GAN: variants seen among roughly 807,000 people sequenced by gnomAD.
GAN encodes epididymis secretory sperm binding protein.
GAN carries 48 observed loss-of-function variants against 71.3 expected under a neutral mutation model. The observed-to-expected ratio is 0.67, with a 90% CI of 0.53 to 0.86. The LOEUF is 0.86. GAN is among the 40% of genes least tolerant of loss of function. The probability of loss-of-function intolerance (pLI) is 0.00; values close to 1 mark genes in which losing one functional copy is unlikely to be tolerated. For synonymous variants in GAN, 386 were observed against 276.8 expected (o/e 1.39, Z -3.92); for missense variants, 928 against 770.1 (o/e 1.21, Z -2.43).
intron 2 of GAN, among the ~76,000 whole-genome samples, 161 bp from the exon 3 acceptor site, chr16:81,354,241 GAAA>G (rs5818329): frequency 6.9e-6 from 1 of 144,840 alleles, no homozygotes. Flanking sequence ...CCAACTCTTG[GAAA>G]AAAAAAAAAA....
In GAN at chr16:81,377,326, C is replaced by T; in HGVS notation, c.1610C>T (p.Thr537Ile). 1 of 1,583,370 alleles carries T rather than the reference C, an allele frequency of 6.3e-7. No individual in the cohort carries two copies. The highest frequency in any genetic ancestry group is 8.7e-7 in the Non-Finnish European group (1 of 1,151,920). The change falls in exon 10 of 11, where the codon ACA becomes ATA. Residue 537 changes from threonine (T) to isoleucine (I), a missense_variant and splice_region_variant. Physicochemically the swap from Thr to Ile is moderately conservative, Grantham distance 89. Transcript: ENST00000648994. The stretch of plus-strand genomic sequence containing the variant: ...ATTTATGTTATTGGAGATCTTGATA[C>T]AGGTAAGAGTGTTACAGTGATTTTC... ...ASIYVIGDLD[T>I]GTNYDYVREF...
At chr16:81,346,139 C>G (rs1280698505) in intron 1 of GAN, among the ~76,000 whole-genome samples, 1 of 152,116 alleles carries the variant, frequency 6.6e-6, no homozygotes. Flanking sequence ...TGGGTCTAGT[C>G]AGGAGAGAGA....
At chr16:81,342,510 A>G (rs1470441918) in intron 1 of GAN, among the ~76,000 whole-genome samples, 1 of 152,246 alleles carries the variant, frequency 6.6e-6, no homozygotes, top group Non-Finnish European at 1.5e-5. Flanking sequence ...TGGAAACTGA[A>G]CAACTTGCTC....
At chr16:81,339,680 A>G (rs964889934) in intron 1 of GAN, among the ~76,000 whole-genome samples, 13 of 152,198 alleles carry the variant, frequency 8.5e-5, no homozygotes, top group African/African-American at 2.9e-4. Flanking sequence ...TCATAACAGG[A>G]ATCTATTTTT....
Position 81,362,490 on chromosome 16 carries a change from T to G in GAN, c.974-9T>G, listed in dbSNP as rs149373971. 6.9e-7 allele frequency: 1 copy of G among 1,448,078 alleles called. No individual in the cohort carries two copies. The highest frequency in any genetic ancestry group is 1.1e-5 in the South Asian group (1 of 87,658). 89.7% of individuals were successfully genotyped at this position (1,448,078 alleles called of 1,614,324 possible). The stretch of plus-strand genomic sequence containing the variant: ...CATTTCATATTTGTGTTTCCTTTGA[T>G]CTTTGCAGAAGGATTTTTGTTTGTA... On this transcript the variant is annotated splice_polypyrimidine_tract_variant and intron_variant, in intron 5 of 10. Transcript: ENST00000648994.
chr16:81,346,377 C>G (rs1041056517), intron 1 of GAN, among the ~76,000 whole-genome samples: 4 of 152,156 alleles, frequency 2.6e-5, no homozygotes. Flanking sequence ...AATCTGTCTT[C>G]TAAGGCCTTA....
intron 2 of GAN, among the ~76,000 whole-genome samples, chr16:81,351,987 C>T (rs1216735345): frequency 6.6e-6 from 1 of 152,122 alleles, no homozygotes; most frequent in African/African-American, 2.4e-5. Context: ...GGATGCTGCC[C>T]TGACTGCTGT....
chr16:81,347,379 C>T (rs1910153334), intron 1 of GAN, among the ~76,000 whole-genome samples: 1 of 152,228 alleles, frequency 6.6e-6, no homozygotes. Flanking sequence ...CAAGGGCCTT[C>T]TACTGTCACC....
At chr16:81,317,917 C>G (rs1187612180) in intron 1 of GAN, among the ~76,000 whole-genome samples, 12 of 151,582 alleles carry the variant, frequency 7.9e-5, no homozygotes, top group Non-Finnish European at 1.6e-4. Flanking sequence ...ATATGTGTTT[C>G]ATCAGTGACA....
intron 1 of GAN, among the ~76,000 whole-genome samples, chr16:81,327,351 C>A (rs7196075): frequency 6.6e-6 from 1 of 152,184 alleles, no homozygotes; most frequent in Non-Finnish European, 1.5e-5. Flanking sequence ...GGAGCTTAAA[C>A]ATGCTAACGG....
intron 9 of GAN, among the ~76,000 whole-genome samples, chr16:81,370,545 A>G (rs1182959208): frequency 6.6e-6 from 1 of 152,242 alleles, no homozygotes; most frequent in Non-Finnish European, 1.5e-5. Context: ...GAAGGAACAA[A>G]TCAGGAAGTA....
Position 81,356,902 on chromosome 16 carries a change from A to G in GAN, c.751A>G (p.Ile251Val), listed in dbSNP as rs749359745. 1.9e-6 allele frequency: 3 copies of G among 1,614,008 alleles called. No homozygotes were observed. The highest frequency in any genetic ancestry group is 2.5e-6 in the Non-Finnish European group (3 of 1,179,900). Residue 251 changes from isoleucine to valine, a missense_variant, in exon 4 of 11, where the codon ATA (isoleucine) becomes GTA (valine). Ile to Val is a conservative substitution (Grantham distance 29). Transcript: ENST00000648994. ...VREIVKECSN[I>V]PLSQPQQGEA... ...AGAAATTGTCAAAGAGTGTAGCAAT[A>G]TACCGCTCAGCCAGCCGCAGCAAGG... is the stretch of plus-strand genomic sequence containing the variant.
At chr16:81,326,455 C>T (rs1440307057) in intron 1 of GAN, among the ~76,000 whole-genome samples, 1 of 151,994 alleles carries the variant, frequency 6.6e-6, no homozygotes, top group Non-Finnish European at 1.5e-5. Context: ...ATTGTTTGAA[C>T]CCGGGAGGCG....
chr16:81,334,824 C>T (rs776512746), intron 1 of GAN, among the ~76,000 whole-genome samples: 2 of 152,220 alleles, frequency 1.3e-5, no homozygotes, highest in Non-Finnish European at 2.9e-5. Context: ...TAGTCACCAA[C>T]ATCGCAATAT....
At chr16:81,376,779 G>C (rs1359232035) in intron 9 of GAN, among the ~76,000 whole-genome samples, 1 of 152,076 alleles carries the variant, frequency 6.6e-6, no homozygotes, top group African/African-American at 2.4e-5. Context: ...TTGGAAGGCT[G>C]GGGTGGGAGG....
chr16:81,341,200 A>G (rs1008925919), intron 1 of GAN, among the ~76,000 whole-genome samples: 9 of 152,170 alleles, frequency 5.9e-5, no homozygotes, highest in Non-Finnish European at 1.5e-5. Context: ...GGAGAATGGA[A>G]CCAAGTTGGA....
chr16:81,317,604 C>T (rs1909085562), intron 1 of GAN, among the ~76,000 whole-genome samples: 2 of 152,218 alleles, frequency 1.3e-5, no homozygotes, highest in African/African-American at 4.8e-5. Flanking sequence ...AATAGGGGCT[C>T]AGTGGACATT....
At chr16:81,355,259 G>A (rs191796604) in intron 3 of GAN, among the ~76,000 whole-genome samples, 1 of 152,314 alleles carries the variant, frequency 6.6e-6, no homozygotes, top group Admixed American at 6.5e-5. Flanking sequence ...TGGCAGTGCA[G>A]TTTCAAGAGG....
intron 1 of GAN, among the ~76,000 whole-genome samples, chr16:81,331,244 A>T (rs1909567226): frequency 6.6e-6 from 1 of 152,212 alleles, no homozygotes; most frequent in Non-Finnish European, 1.5e-5. Flanking sequence ...ACGAGATGCG[A>T]ATTAATTGAC....
Sources: allele counts gnomAD v4.1 joint callset (sites outside exome capture counted in the v4.1 genomes callset), GRCh38; gene constraint gnomAD v4.1.1; transcripts MANE v1.5; gene names NCBI Gene and HGNC (gene_info 2026-07-23, HGNC 2026-07-21).